The following IGHMBP2 variants were observed in gnomAD, a reference collection of about 807,000 sequenced individuals.
IGHMBP2 encodes DNA-binding protein SMUBP-2.
Under a neutral mutation model 96.0 loss-of-function variants are expected in IGHMBP2, and 81 were observed. The observed-to-expected ratio is 0.84, with a 90% CI of 0.71 to 1.01. The LOEUF is 1.01. Ranked by LOEUF, IGHMBP2 falls within the 50% of genes least tolerant of loss-of-function variation. IGHMBP2 has a pLI of 0.00. For synonymous variants in IGHMBP2, 557 were observed against 548.9 expected (o/e 1.01, Z -0.21); for missense variants, 1,227 against 1,306.3 (o/e 0.94, Z 0.94).
At chr11:68,910,598 T>A (rs1039348365) in intron 4 of IGHMBP2, among the ~76,000 whole-genome samples, 2 of 152,148 alleles carry the variant, frequency 1.3e-5, no homozygotes, top group African/African-American at 4.8e-5. Flanking sequence ...AAGAAGCAGG[T>A]CTTGGCCAGG....
At chr11:68,905,931 A>C in intron 1 of IGHMBP2, 138 bp from the exon 2 acceptor site, 1 of 884,694 alleles carries the variant, frequency 1.1e-6, no homozygotes, top group Non-Finnish European at 1.9e-6. Context: ...GAGTGGAGCC[A>C]ATTCGGAGTT....
rs758392980 is a variant in IGHMBP2 at position 68,915,027 on chromosome 11, G to A, written c.912+4G>A. On this transcript the variant is annotated splice_donor_region_variant and intron_variant, in intron 6 of 14. Coordinates refer to ENST00000255078, the MANE Select transcript of IGHMBP2 (RefSeq NM_002180.3). ...GAAGGACATCGACCAGGTCTTTGTA[G>A]GTGTCATGGCCAGTGTCCATGTGGG... 6.2e-7 allele frequency: 1 copy of A among 1,613,446 alleles called. No individual in the cohort carries two copies. Among genetic ancestry groups the A allele is most frequent in the Non-Finnish European group, 8.5e-7 (1 of 1,179,602 alleles).
In IGHMBP2 at chr11:68,936,229, T is replaced by A; in HGVS notation, c.1757-8T>A. On this transcript the variant is annotated splice_polypyrimidine_tract_variant and splice_region_variant and intron_variant, in intron 12 of 14. Coordinates refer to ENST00000255078, the MANE Select transcript of IGHMBP2 (RefSeq NM_002180.3). ...ACCTGCTTCTCACTCCCCTCTGGCC[T>A]TTTGTAGGTGAAGTTGGTTTTCTTG... The A allele has an allele frequency of 6.2e-7, 1 of 1,613,882 alleles. No homozygotes were observed. Among genetic ancestry groups the A allele is most frequent in the Non-Finnish European group, 8.5e-7 (1 of 1,179,996 alleles).
chr11:68,929,423 C>T lies in IGHMBP2; in HGVS notation c.1235+66C>T, dbSNP rs918389684. On this transcript the variant is annotated intron_variant, in intron 8 of 14. Coordinates refer to ENST00000255078, the MANE Select transcript of IGHMBP2 (RefSeq NM_002180.3). The stretch of plus-strand genomic sequence containing the variant: ...CCTCCTGCGGTCCTTCCACGCTCAG[C>T]CAGGAGCCCCAGGCTCACCAGGAGC... 3.4e-6 allele frequency: 5 copies of T among 1,465,136 alleles called. No homozygotes were observed. The African/African-American group carries it at 6.9e-5, about 20-fold the overall frequency. 90.8% of individuals were successfully genotyped at this position (1,465,136 alleles called of 1,614,324 possible).
chr11:68,924,987 A>G (rs191172975), intron 7 of IGHMBP2, among the ~76,000 whole-genome samples: 1 of 151,978 alleles, frequency 6.6e-6, no homozygotes, highest in Admixed American at 6.6e-5. Context: ...CTCATCAGCT[A>G]TTGTCAATGT....
chr11:68,934,679 T>C, intron 11 of IGHMBP2, 121 bp downstream of exon 11: 1 of 774,554 alleles, frequency 1.3e-6, no homozygotes, highest in Non-Finnish European at 2.2e-6. Context: ...AGGGCTGACC[T>C]TATTGTGACT....
At chr11:68,929,972 C>A in intron 8 of IGHMBP2, 1 of 1,040,278 alleles carries the variant, frequency 9.6e-7, no homozygotes, top group Non-Finnish European at 1.2e-6. Flanking sequence ...TGCCCGCCCC[C>A]CCAGCCCCCC....
At chr11:68,930,367 A>G (rs1459021604) in intron 8 of IGHMBP2, 2 of 1,289,826 alleles carry the variant, frequency 1.6e-6, no homozygotes, top group African/African-American at 1.5e-5. Flanking sequence ...GGACCGGAAG[A>G]AGATGTGCAA....
chr11:68,908,921 A>C (rs889098530), intron 4 of IGHMBP2, among the ~76,000 whole-genome samples: 1 of 150,468 alleles, frequency 6.6e-6, no homozygotes, highest in Non-Finnish European at 1.5e-5. Flanking sequence ...GCTCATTGCA[A>C]ACTCCGCCTC....
At chr11:68,916,287 C>G (rs1474057604) in intron 6 of IGHMBP2, among the ~76,000 whole-genome samples, 3 of 152,174 alleles carry the variant, frequency 2.0e-5, no homozygotes, top group Non-Finnish European at 4.4e-5. Flanking sequence ...AATTGGCATC[C>G]TCCTAGAGCT....
intron 2 of IGHMBP2, 120 bp from the exon 3 acceptor site, chr11:68,908,025 A>T (rs1198654342): frequency 1.0e-5 from 9 of 889,208 alleles, no homozygotes; most frequent in Non-Finnish European, 9.4e-6. Context: ...ACTGTTACTG[A>T]TTGCATTTAC....
intron 7 of IGHMBP2, among the ~76,000 whole-genome samples, chr11:68,919,378 T>C (rs1469322520): frequency 6.6e-6 from 1 of 152,198 alleles, no homozygotes; most frequent in Non-Finnish European, 1.5e-5. Context: ...CAGGTGATTC[T>C]CCCAGCTCAG....
At chr11:68,919,951 A>G (rs970533153) in intron 7 of IGHMBP2, among the ~76,000 whole-genome samples, 1 of 152,154 alleles carries the variant, frequency 6.6e-6, no homozygotes, top group African/African-American at 2.4e-5. Flanking sequence ...AACCCTTTTT[A>G]AGTCTGTAGT....
intron 8 of IGHMBP2, chr11:68,933,085 G>A: frequency 1.7e-6 from 1 of 602,092 alleles, no homozygotes; most frequent in South Asian, 1.9e-5. Context: ...CGTCCCTGTT[G>A]TCCTGTAAGG....
chr11:68,935,931 G>C (rs1859507621), intron 12 of IGHMBP2, among the ~76,000 whole-genome samples: 1 of 152,204 alleles, frequency 6.6e-6, no homozygotes, highest in Admixed American at 6.5e-5. Context: ...GTCCTGGAAG[G>C]TTTCTTGTGC....
intron 8 of IGHMBP2, among the ~76,000 whole-genome samples, chr11:68,930,779 C>G (rs533453307): frequency 6.6e-6 from 1 of 152,110 alleles, no homozygotes; most frequent in African/African-American, 2.4e-5. Context: ...GGTCATCCGT[C>G]GAGTGTTCAG....
intron 6 of IGHMBP2, among the ~76,000 whole-genome samples, chr11:68,917,068 C>T (rs912772617): frequency 6.7e-6 from 1 of 149,838 alleles, no homozygotes; most frequent in Admixed American, 6.7e-5. Flanking sequence ...GCAACCTCCG[C>T]CTCCTGGGTT....
chr11:68,907,515 G>A (rs866407373), intron 2 of IGHMBP2, among the ~76,000 whole-genome samples: 1 of 152,190 alleles, frequency 6.6e-6, no homozygotes, highest in South Asian at 2.1e-4. Context: ...AGGAAGCAGC[G>A]TTGCCAGGGC....
intron 4 of IGHMBP2, among the ~76,000 whole-genome samples, chr11:68,909,196 G>GGGGGT (rs1566425650): frequency 9.5e-6 from 1 of 105,142 alleles, no homozygotes; most frequent in Non-Finnish European, 2.0e-5. Context: ...GGAGGGGGGG[G>GGGGGT]GCGGATGGAG....
Sources: gnomAD v4.1 joint callset for allele counts (sites outside exome capture counted in the v4.1 genomes callset) on GRCh38, gnomAD v4.1.1 for gene constraint, MANE v1.5 for transcripts, NCBI Gene and HGNC (gene_info 2026-07-23, HGNC 2026-07-21) for gene names.